The following MEX3D variants were observed in gnomAD, a reference collection of about 807,000 sequenced individuals.
MEX3D encodes the protein RNA-binding protein MEX3D.
MEX3D carries 4 observed loss-of-function variants against 6.3 expected under a neutral mutation model. That is an observed-to-expected ratio of 0.64 (90% confidence interval 0.31 to 1.46). The LOEUF (loss-of-function observed/expected upper bound fraction) is 1.46. Ranked by LOEUF, MEX3D falls within the 40% of genes most tolerant of loss-of-function variation. The pLI is 0.07. For synonymous variants in MEX3D, 626 were observed against 494.1 expected (o/e 1.27, Z -3.54); for missense variants, 1,038 against 994.4 (o/e 1.04, Z -0.59).
chr19:1,556,226 G>A lies in MEX3D; in HGVS notation c.1293C>T (p.Gly431=). The A allele has an allele frequency of 7.1e-7, 1 of 1,406,486 alleles. No individual in the cohort carries two copies. Among genetic ancestry groups the A allele is most frequent in the Non-Finnish European group, 9.2e-7 (1 of 1,081,724 alleles). 87.1% of individuals were successfully genotyped at this position (1,406,486 alleles called of 1,614,324 possible). ...ASPYSGSGNG[G]FAFGAEGPGA... ...CGGGACCCTCCGCGCCGAAGGCGAAGCCCCCGTTGCCGGAGCCGCTGTAGG... is the reference window on the plus strand; with the variant it reads ...CGGGACCCTCCGCGCCGAAGGCGAAACCCCCGTTGCCGGAGCCGCTGTAGG... The change falls in exon 2 of 2, where the codon GGC becomes GGT. Residue 431 remains glycine (G), a synonymous_variant. Coordinates refer to ENST00000402693, the MANE Select transcript of MEX3D (RefSeq NM_203304.4). The surrounding 1 kb of genome is among the most constrained non-coding windows in gnomAD (Gnocchi z 7.5).
At position 1,556,723 on chromosome 19, in the gene MEX3D, C is replaced by A; in HGVS notation, c.796G>T (p.Gly266Cys). 6.2e-7 allele frequency: 1 copy of A among 1,611,296 alleles called. No homozygotes were observed. Among genetic ancestry groups the A allele is most frequent in the Non-Finnish European group, 8.5e-7 (1 of 1,179,118 alleles). ...GTCTGTCCGGGAAGGTTGGGCGGGC[C>A]CTGGGCGGCGCCGGGCAGACCCCCG... is the stretch of plus-strand genomic sequence containing the variant. ...KAGGLPGAAQ[G>C]PPNLPGQTTI... is the part of the protein sequence containing the mutation. The change falls in exon 2 of 2, where the codon GGC becomes TGC. Residue 266 changes from glycine to cysteine, a missense_variant. By Grantham distance (159) the Gly-to-Cys change is radical. Transcript: ENST00000402693. The surrounding 1 kb of genome is among the most constrained non-coding windows in gnomAD (Gnocchi z 7.5).
Position 1,568,008 on chromosome 19 carries a change from G to A in MEX3D, c.51C>T (p.Gly17=), listed in dbSNP as rs1403986749. ...QPDGGGGGGG[G]GGGVGAAGED... ...CCCCCGCCGCCCCCACGCCGCCGCC[G>A]CCGCCGCCCCCGCCCCCGCCGCCGT... Residue 17 remains glycine (G), a synonymous_variant, in exon 1 of 2, where the codon GGC becomes GGT. Transcript: ENST00000402693. 4.1e-6 allele frequency: 4 copies of A among 976,396 alleles called. No individual in the cohort carries two copies. Among genetic ancestry groups the A allele is most frequent in the South Asian group, 4.6e-5 (1 of 21,798 alleles). 60.5% of individuals were successfully genotyped at this position (976,396 alleles called of 1,614,324 possible). A position where few individuals can be genotyped will look rare whatever the true frequency, so the allele number is the denominator to read the frequency against.
At position 1,555,396 on chromosome 19, in the gene MEX3D, C is replaced by A. The variant is rs779754824; in HGVS notation, c.*167G>T. On this transcript the variant is annotated 3_prime_UTR_variant, in exon 2 of 2. Coordinates refer to ENST00000402693, the MANE Select transcript of MEX3D (RefSeq NM_203304.4). ...GGGGTCTCCGTCTCCACGCCTGAGG[C>A]GGCAGTTAAAGCTCATCTGTAAACA... is the stretch of plus-strand genomic sequence containing the variant. The A allele has an allele frequency of 6.2e-7, 1 of 1,600,600 alleles. No homozygotes were observed. The highest frequency in any genetic ancestry group is 1.1e-5 in the South Asian group (1 of 90,012).
At position 1,556,516 on chromosome 19, in the gene MEX3D, C is replaced by T. The variant is rs1363239604; in HGVS notation, c.1003G>A (p.Glu335Lys). ...ENVDRAREEIEAHITLRTGAF... is the reference protein window; with the variant it reads ...ENVDRAREEIKAHITLRTGAF... ...CCAGTGCGCAGCGTGATGTGCGCCT[C>T]GATCTCCTCGCGCGCGCGGTCCACG... Residue 335 changes from glutamate (E) to lysine (K), a missense_variant, in exon 2 of 2, where the codon GAG becomes AAG. By Grantham distance (56) the Glu-to-Lys change is moderately conservative (BLOSUM62 1). Transcript: ENST00000402693. The surrounding 1 kb of genome is among the most constrained non-coding windows in gnomAD (Gnocchi z 7.5). 2.5e-6 allele frequency: 4 copies of T among 1,605,798 alleles called. No homozygotes were observed. Among genetic ancestry groups the T allele is most frequent in the Non-Finnish European group, 3.4e-6 (4 of 1,177,442 alleles).
In MEX3D at chr19:1,555,806, G is replaced by A. The variant is rs1450963876; in HGVS notation, c.1713C>T (p.Ala571=). 10 of 1,382,020 alleles carry A rather than the reference G, an allele frequency of 7.2e-6. No individual in the cohort carries two copies. Among genetic ancestry groups the A allele is most frequent in the African/African-American group, 1.5e-5 (1 of 64,932 alleles). 85.6% of individuals were successfully genotyped at this position (1,382,020 alleles called of 1,614,324 possible). ...CGCCGGAGTCCAGGGGGGCGCAGGCGGCGGCCGCGGGGCTGCTGGGCAGCG... is the reference window on the plus strand; with the variant it reads ...CGCCGGAGTCCAGGGGGGCGCAGGCAGCGGCCGCGGGGCTGCTGGGCAGCG... The part of the protein sequence containing the change: ...ATSLPSSPAA[A]ACAPLDSGAS... The change falls in exon 2 of 2, where the codon GCC becomes GCT. Residue 571 remains alanine (A), a synonymous_variant. Coordinates refer to ENST00000402693, the MANE Select transcript of MEX3D (RefSeq NM_203304.4).
Position 1,556,247 on chromosome 19 carries a change from G to A in MEX3D, c.1272C>T (p.Tyr424=), listed in dbSNP as rs1914550808. 2.9e-6 allele frequency: 4 copies of A among 1,376,070 alleles called. No individual in the cohort carries two copies. The highest frequency in any genetic ancestry group is 1.9e-6 in the Non-Finnish European group (2 of 1,067,970). 85.2% of individuals were successfully genotyped at this position (1,376,070 alleles called of 1,614,324 possible). A position where few individuals can be genotyped will look rare whatever the true frequency, so the allele number is the denominator to read the frequency against. ...SVPDPGPASP[Y]SGSGNGGFAF... ...CGAAGCCCCCGTTGCCGGAGCCGCT[G>A]TAGGGGCTGGCGGGGCCTGGGTCCG... Residue 424 remains tyrosine (Y), a synonymous_variant, in exon 2 of 2, where the codon TAC becomes TAT. Transcript: ENST00000402693. The surrounding 1 kb of genome is among the most constrained non-coding windows in gnomAD (Gnocchi z 7.5).
At chr19:1,565,151 G>C (rs1041303088) in intron 1 of MEX3D, among the ~76,000 whole-genome samples, 2 of 152,118 alleles carry the variant, frequency 1.3e-5, no homozygotes, top group African/African-American at 4.8e-5. Context: ...CCAGCACTTT[G>C]GGTGGCTGAG....
chr19:1,563,461 G>A (rs941149825), intron 1 of MEX3D, among the ~76,000 whole-genome samples: 11 of 152,158 alleles, frequency 7.2e-5, no homozygotes, highest in African/African-American at 2.7e-4. Context: ...CTGTGTACAG[G>A]CCCTGGCAAG....
At position 1,567,891 on chromosome 19, in the gene MEX3D, G is replaced by C; in HGVS notation, c.168C>G (p.Ala56=). The change falls in exon 1 of 2, where the codon GCC becomes GCG. Residue 56 remains alanine (A), a synonymous_variant. Coordinates refer to ENST00000402693, the MANE Select transcript of MEX3D (RefSeq NM_203304.4). The surrounding 1 kb of genome is among the most constrained non-coding windows in gnomAD (Gnocchi z 6.5). ...GGTCCAGCGCCAGGCGGAGCGCGGC[G>C]GCCGCGTCGTCGGGTTCGGGCGGCG... The part of the protein sequence containing the change: ...PRPPPEPDDA[A]AALRLALDQL... 1 of 982,448 alleles carries C rather than the reference G, an allele frequency of 1.0e-6. No homozygotes were observed. The highest frequency in any genetic ancestry group is 1.8e-5 in the African/African-American group (1 of 56,510). 60.9% of individuals were successfully genotyped at this position (982,448 alleles called of 1,614,324 possible).
At position 1,556,605 on chromosome 19, in the gene MEX3D, G is replaced by C; in HGVS notation, c.914C>G (p.Thr305Ser). The C allele has an allele frequency of 6.2e-7, 1 of 1,610,166 alleles. No homozygotes were observed. The change falls in exon 2 of 2, where the codon ACC becomes AGC. Residue 305 changes from threonine to serine, a missense_variant. Thr to Ser is a moderately conservative substitution (Grantham distance 58). Coordinates refer to ENST00000402693, the MANE Select transcript of MEX3D (RefSeq NM_203304.4). The surrounding 1 kb of genome is among the most constrained non-coding windows in gnomAD (Gnocchi z 7.5). ...TIKRIQQRTH[T>S]YIVTPGRDKE... ...GTCGCGCCCGGGCGTCACGATGTAG[G>C]TGTGCGTCCGCTGCTGGATGCGCTT...
chr19:1,556,370 G>C lies in MEX3D; in HGVS notation c.1149C>G (p.Pro383=). 1 of 1,491,868 alleles carries C rather than the reference G, an allele frequency of 6.7e-7. No homozygotes were observed. Among genetic ancestry groups the C allele is most frequent in the South Asian group, 1.3e-5 (1 of 75,840 alleles). The allele number at this position is 1,491,868 out of a possible 1,614,324, so 92.4% of individuals were successfully genotyped here. ...CGCGGAGGCCGGCCGTGGCCGTGGG[G>C]GGCCGTCGTCCCTGGTTGGGGGTCT... ...WAKTPNQGRR[P]PTATAGLRGD... is the part of the protein sequence containing the mutation. The change falls in exon 2 of 2, where the codon CCC becomes CCG. Residue 383 remains proline (P), a synonymous_variant. Transcript: ENST00000402693. This position sits in a 1 kb window ranked among gnomAD's most constrained non-coding sequence, Gnocchi z 7.5.
Position 1,556,749 on chromosome 19 carries a change from G to C in MEX3D, c.770C>G (p.Ala257Gly), listed in dbSNP as rs1454966045. Residue 257 changes from alanine (A) to glycine (G), a missense_variant, in exon 2 of 2, where the codon GCC becomes GGC. Physicochemically the swap from Ala to Gly is moderately conservative, Grantham distance 60. Coordinates refer to ENST00000402693, the MANE Select transcript of MEX3D (RefSeq NM_203304.4). The surrounding 1 kb of genome is among the most constrained non-coding windows in gnomAD (Gnocchi z 7.5). ...FSIIRATRSK[A>G]GGLPGAAQGP... ...CTGGGCGGCGCCGGGCAGACCCCCG[G>C]CCTTGCTGCGCGTGGCGCGGATGAT... The C allele has an allele frequency of 6.2e-7, 1 of 1,612,162 alleles. No homozygotes were observed.
intron 1 of MEX3D, 100 bp from the exon 2 acceptor site, chr19:1,557,023 C>A: frequency 4.3e-6 from 6 of 1,389,820 alleles, no homozygotes; most frequent in Non-Finnish European, 5.8e-6. Context: ...GGAGCCCCTA[C>A]CTCCCAGCCT....
At position 1,556,034 on chromosome 19, in the gene MEX3D, C is replaced by G; in HGVS notation, c.1485G>C (p.Pro495=). Residue 495 remains proline, a synonymous_variant, in exon 2 of 2, where the codon CCG becomes CCC. Coordinates refer to ENST00000402693, the MANE Select transcript of MEX3D (RefSeq NM_203304.4). This position sits in a 1 kb window ranked among gnomAD's most constrained non-coding sequence, Gnocchi z 7.5. The stretch of plus-strand genomic sequence containing the variant: ...GCCGGGCGCCGGCGGCGGGAGGTCC[C>G]GGGGCTCCGTTGACCGTGGAGCAGC... ...FSGCSTVNGA[P]GPPAAGARRS... 7.7e-7 allele frequency: 1 copy of G among 1,301,130 alleles called. No homozygotes were observed. Among genetic ancestry groups the G allele is most frequent in the Non-Finnish European group, 9.8e-7 (1 of 1,023,278 alleles). The allele number at this position is 1,301,130 out of a possible 1,614,324, so 80.6% of individuals were successfully genotyped here.
intron 1 of MEX3D, 122 bp from the exon 2 acceptor site, chr19:1,557,045 C>T: frequency 2.5e-6 from 3 of 1,196,498 alleles, no homozygotes; most frequent in Non-Finnish European, 3.5e-6. Context: ...TGCCCAACAA[C>T]ACTTTATCCT....
Position 1,556,220 on chromosome 19 carries a change from G to A in MEX3D, c.1299C>T (p.Ala433=), listed in dbSNP as rs989915307. 2.8e-6 allele frequency: 4 copies of A among 1,415,666 alleles called. No individual in the cohort carries two copies. Among genetic ancestry groups the A allele is most frequent in the East Asian group, 3.4e-5 (1 of 29,254 alleles). The allele number at this position is 1,415,666 out of a possible 1,614,324, so 87.7% of individuals were successfully genotyped here. A position where few individuals can be genotyped will look rare whatever the true frequency, so the allele number is the denominator to read the frequency against. Residue 433 remains alanine, a synonymous_variant, in exon 2 of 2, where the codon GCC becomes GCT. Transcript: ENST00000402693. The surrounding 1 kb of genome is among the most constrained non-coding windows in gnomAD (Gnocchi z 7.5). ...PYSGSGNGGF[A]FGAEGPGAPV... is the part of the protein sequence containing the mutation. ...GGGCACCGGGACCCTCCGCGCCGAA[G>A]GCGAAGCCCCCGTTGCCGGAGCCGC...
In MEX3D at chr19:1,567,085, C is replaced by A. The variant is rs562458751; in HGVS notation, c.595+379G>T. 6.6e-6 allele frequency among the ~76,000 whole-genome samples: 1 copy of A among 152,134 alleles called. No homozygotes were observed. The highest frequency in any genetic ancestry group is 6.5e-5 in the Admixed American group (1 of 15,282). ...CTAAACCTGCGCTTGCCCCGCCCCG[C>A]CGCCTGTGCTGGGTGTGGGGCGCCC... On this transcript the variant is annotated intron_variant, in intron 1 of 1. Transcript: ENST00000402693. The surrounding 1 kb of genome is among the most constrained non-coding windows in gnomAD (Gnocchi z 6.5).
chr19:1,557,382 T>A (rs544247621), intron 1 of MEX3D, among the ~76,000 whole-genome samples: 42 of 150,624 alleles, frequency 2.8e-4, no homozygotes, highest in African/African-American at 1.0e-3. Context: ...CTGGCCAACA[T>A]GGTGAAACCC....
rs553489767 is a variant in MEX3D at position 1,566,875 on chromosome 19, T to C, written c.595+589A>G. ...AGCAGGCTGCACCCCAGAAGTGGCT[T>C]TGACAGCCGGTCCTTCCCCAGGCCC... On this transcript the variant is annotated intron_variant, in intron 1 of 1. Transcript: ENST00000402693. Among the ~76,000 whole-genome samples the C allele has an allele frequency of 2.7e-3, 418 of 152,118 alleles. 4 individuals are homozygous for C. The highest frequency in any genetic ancestry group is 9.6e-3 in the African/African-American group (397 of 41,504).
Sources: allele counts gnomAD v4.1 joint callset (sites outside exome capture counted in the v4.1 genomes callset), GRCh38; gene constraint gnomAD v4.1.1; non-coding constraint Gnocchi (gnomAD v3.1); transcripts MANE v1.5; gene names NCBI Gene and HGNC (gene_info 2026-07-23, HGNC 2026-07-21).